Variants in COL18A1 observed in about 807,000 individuals in gnomAD.
The protein encoded by COL18A1 is collagen type XVIII alpha 1 chain.
A neutral mutation model predicts 168.0 loss-of-function variants in COL18A1; 133 were observed. That is an observed-to-expected ratio of 0.79 (90% CI 0.69 to 0.91). The LOEUF (loss-of-function observed/expected upper bound fraction) is 0.91. COL18A1 is among the 40% of genes least tolerant of loss of function. COL18A1 has a pLI of 0.00. For missense variants in COL18A1, 2,126 were observed against 1,925.4 expected (o/e 1.10, Z -1.95); for synonymous variants, 949 against 809.0 (o/e 1.17, Z -2.94).
chr21:45,468,912 C>T (rs2035313781), intron 3 of COL18A1, 126 bp downstream of exon 3: 50 of 1,039,100 alleles, frequency 4.8e-5, no homozygotes, highest in Non-Finnish European at 6.5e-5. Context: ...CTGTGGTCAG[C>T]CCGGGCCTCC....
At chr21:45,441,780 T>C (rs985321716) in intron 2 of COL18A1, among the ~76,000 whole-genome samples, 40 of 152,336 alleles carry the variant, frequency 2.6e-4, no homozygotes, top group African/African-American at 9.6e-4. Context: ...ACCTCTGATA[T>C]GCAACTATTT....
At chr21:45,441,307 T>C (rs1314183859) in intron 2 of COL18A1, among the ~76,000 whole-genome samples, 1 of 152,176 alleles carries the variant, frequency 6.6e-6, no homozygotes, top group African/African-American at 2.4e-5. Flanking sequence ...TTTGGTTCTG[T>C]ACTGGGAGAG....
intron 32 of COL18A1, 162 bp from the exon 33 acceptor site, chr21:45,503,847 CAG>C (rs2037018037): frequency 1.9e-6 from 1 of 525,060 alleles, no homozygotes; most frequent in South Asian, 3.2e-5. Flanking sequence ...ACAAAAACAT[CAG>C]AAAGTATCGG....
chr21:45,428,712 C>T (rs1486316596), intron 2 of COL18A1, among the ~76,000 whole-genome samples: 1 of 152,024 alleles, frequency 6.6e-6, no homozygotes, highest in Non-Finnish European at 1.5e-5. Flanking sequence ...TCCCGCAGTG[C>T]GAGGCCTTTT....
At chr21:45,480,575 G>T in intron 12 of COL18A1, 55 bp downstream of exon 12, 1 of 1,613,886 alleles carries the variant, frequency 6.2e-7, no homozygotes, top group Non-Finnish European at 8.5e-7. Flanking sequence ...TGAGGAACAG[G>T]CCATGGACCC....
rs2146021087 is a variant in COL18A1, at chr21:45,498,715, A to G, written c.2683+1054A>G. On this transcript the variant is annotated intron_variant, in intron 32 of 41. Transcript: ENST00000651438. This position sits in a 1 kb window ranked among gnomAD's most constrained non-coding sequence, Gnocchi z 4.5. Reference sequence around the variant, plus strand: ...CACACACGACGCCCAGGAAGGAGTGAATGATGCACAGATGACCAGAAACCA... The same window carrying G: ...CACACACGACGCCCAGGAAGGAGTGGATGATGCACAGATGACCAGAAACCA... 4.7e-6 allele frequency: 3 copies of G among 632,630 alleles called. No homozygotes were observed. The highest frequency in any genetic ancestry group is 8.6e-6 in the Non-Finnish European group (3 of 348,944). The allele number at this position is 632,630 out of a possible 1,614,324, so 39.2% of individuals were successfully genotyped here.
intron 37 of COL18A1, chr21:45,506,748 GCCCTCCCACCTTCCCTCTGGAA>G (rs879896953): frequency 0.36 from 28,166 of 77,324 alleles, 2,742 homozygotes; most frequent in African/African-American, 0.48. Flanking sequence ...TCCTTCTAGA[GCCCTCCCACCTTCCCTCTGGAA>G]CCCTCCCACC....
At position 45,494,445 on chromosome 21, in the gene COL18A1, G is replaced by T; in HGVS notation, c.2353-100G>T. ...AGGGAGGCTATCAGGTGGGGCACAA[G>T]CCGCCACCTAACCGTGCCTTCGCCA... On this transcript the variant is annotated intron_variant, in intron 26 of 41. Coordinates refer to ENST00000651438, the MANE Select transcript of COL18A1 (RefSeq NM_001379500.1). 1.9e-6 allele frequency: 3 copies of T among 1,556,174 alleles called. No homozygotes were observed. The South Asian group carries it at 3.3e-5, about 17-fold the overall frequency.
intron 28 of COL18A1, 159 bp downstream of exon 28, chr21:45,495,074 T>A: frequency 1.4e-6 from 1 of 712,804 alleles, no homozygotes; most frequent in South Asian, 1.8e-5. Flanking sequence ...GCTCTTGTCC[T>A]GGATGTGGCT....
At chr21:45,466,107 G>A (rs113027545) in intron 2 of COL18A1, among the ~76,000 whole-genome samples, 4,439 of 152,256 alleles carry the variant, frequency 0.029, 234 homozygotes, top group African/African-American at 0.1. Flanking sequence ...CGGCTTCTGG[G>A]AGAGGGCGCT....
chr21:45,424,966 G>A (rs1288857111), intron 2 of COL18A1: 1 of 152,286 alleles, frequency 6.6e-6, no homozygotes, highest in African/African-American at 2.4e-5. Context: ...AACCGGTCCA[G>A]GCGCGGGTTC....
chr21:45,481,978 C>T lies in COL18A1; in HGVS notation c.1627C>T (p.Pro543Ser). ...TCTCCCCCAGGGACCCCCAGGCCCTCCGGGAAGAGAGGGGCCCCCAGGAAG... is the reference window on the plus strand; with the variant it reads ...TCTCCCCCAGGGACCCCCAGGCCCTTCGGGAAGAGAGGGGCCCCCAGGAAG... ...FPGLPGPPGP[P>S]GREGPPGRTG... Residue 543 changes from proline to serine, a missense_variant, in exon 14 of 42, where the codon CCG (proline) becomes TCG (serine). Physicochemically the swap from Pro to Ser is moderately conservative, Grantham distance 74. Transcript: ENST00000651438. 6.2e-7 allele frequency: 1 copy of T among 1,613,268 alleles called. No individual in the cohort carries two copies. The highest frequency in any genetic ancestry group is 8.5e-7 in the Non-Finnish European group (1 of 1,179,278).
At chr21:45,482,082 G>T (rs951588854) in intron 14 of COL18A1, 57 bp downstream of exon 14, 2 of 1,394,956 alleles carry the variant, frequency 1.4e-6, no homozygotes, top group Non-Finnish European at 2.0e-6. Context: ...CATGTGGCCC[G>T]GGTCCGGGGG....
At position 45,438,429 on chromosome 21, in the gene COL18A1, G is replaced by A. The variant is rs144406346; in HGVS notation, c.107-29813G>A. ...ACTCCAGGGCTGGGCAGGGGACCCC[G>A]GACCTGGCCTCTGGAGCTCATCCCT... On this transcript the variant is annotated intron_variant, in intron 2 of 41. Coordinates refer to ENST00000651438, the MANE Select transcript of COL18A1 (RefSeq NM_001379500.1). Among the ~76,000 whole-genome samples, 245 of 152,106 alleles carry A rather than the reference G, an allele frequency of 1.6e-3. 6 individuals carry two copies. Among genetic ancestry groups the A allele is most frequent in the African/African-American group, 5.6e-3 (233 of 41,378 alleles).
chr21:45,454,427 C>T (rs963217167), intron 2 of COL18A1, among the ~76,000 whole-genome samples: 5 of 152,070 alleles, frequency 3.3e-5, no homozygotes, highest in Admixed American at 1.3e-4. Context: ...CGAGGGACTC[C>T]AGCTGGGGGA....
chr21:45,503,952 G>A, intron 32 of COL18A1, 59 bp from the exon 33 acceptor site: 4 of 1,605,424 alleles, frequency 2.5e-6, no homozygotes, highest in Non-Finnish European at 3.4e-6. Flanking sequence ...GGGCTGCAGA[G>A]GGAACCCGGC....
chr21:45,495,939 C>T, intron 29 of COL18A1: 1 of 324,754 alleles, frequency 3.1e-6, no homozygotes, highest in Non-Finnish European at 6.1e-6. Context: ...ACACACTGCA[C>T]ATGTATACTC....
At chr21:45,482,312 C>T (rs745869123) in intron 14 of COL18A1, 3 of 680,376 alleles carry the variant, frequency 4.4e-6, no homozygotes, top group South Asian at 2.9e-5. Flanking sequence ...GGTTACGGGG[C>T]AGTGGCCATG....
intron 29 of COL18A1, chr21:45,495,890 T>A: frequency 3.2e-6 from 1 of 316,564 alleles, no homozygotes; most frequent in Admixed American, 4.3e-5. Flanking sequence ...TCCACATACA[T>A]GACTATGAGC....
Sources: allele counts gnomAD v4.1 joint callset (sites outside exome capture counted in the v4.1 genomes callset), GRCh38; gene constraint gnomAD v4.1.1; non-coding constraint Gnocchi (gnomAD v3.1); transcripts MANE v1.5; gene names NCBI Gene and HGNC (gene_info 2026-07-23, HGNC 2026-07-21).